The following IGF1R variants were observed in gnomAD, a reference collection of about 807,000 sequenced individuals.
IGF1R encodes the protein insulin like growth factor 1 receptor.
Under a neutral mutation model 144.6 loss-of-function variants are expected in IGF1R, and 44 were observed. The observed-to-expected ratio is 0.30, with a 90% CI of 0.24 to 0.39. The LOEUF (loss-of-function observed/expected upper bound fraction) is 0.39. Ranked by LOEUF, IGF1R falls within the 10% of genes least tolerant of loss-of-function variation. The pLI is 1.00. For synonymous variants in IGF1R, 795 were observed against 722.8 expected (o/e 1.10, Z -1.60); for missense variants, 1,355 against 1,833.7 (o/e 0.74, Z 4.77).
At chr15:98,941,724 T>C (rs2684794) in intron 18 of IGF1R, among the ~76,000 whole-genome samples, 14,384 of 152,276 alleles carry the variant, frequency 0.094, 972 homozygotes, top group Non-Finnish European at 0.14. Context: ...GCTCTTAGCA[T>C]AGCACAAGTA....
At chr15:98,832,876 G>A (rs1224664675) in intron 2 of IGF1R, among the ~76,000 whole-genome samples, 1 of 152,138 alleles carries the variant, frequency 6.6e-6, no homozygotes, top group Non-Finnish European at 1.5e-5. Flanking sequence ...TTTTTTTATT[G>A]TAAATAGTAC....
At chr15:98,900,795 A>T (rs2014442778) in intron 5 of IGF1R, 1 of 152,022 alleles carries the variant, frequency 6.6e-6, no homozygotes, top group Non-Finnish European at 1.5e-5. Flanking sequence ...ATTAAATTTT[A>T]AAATGAATTT....
Position 98,957,307 on chromosome 15 carries a change from C to G in IGF1R, c.3969C>G (p.His1323Gln), listed in dbSNP as rs2151738465. The stretch of plus-strand genomic sequence containing the variant: ...CACTGCCCGACAGACACTCAGGACA[C>G]AAGGCCGAGAACGGCCCCGGCCCTG... ...SLPLPDRHSG[H>Q]KAENGPGPGV... The change falls in exon 21 of 21, where the codon CAC (histidine) becomes CAG (glutamine). Residue 1323 changes from histidine to glutamine, a missense_variant. His to Gln is a conservative substitution (Grantham distance 24). Transcript: ENST00000650285. 4.3e-6 allele frequency: 7 copies of G among 1,613,242 alleles called. No individual in the cohort carries two copies. The highest frequency in any genetic ancestry group is 5.9e-6 in the Non-Finnish European group (7 of 1,179,398).
intron 2 of IGF1R, among the ~76,000 whole-genome samples, chr15:98,835,911 A>C (rs936480251): frequency 3.9e-5 from 6 of 152,310 alleles, no homozygotes; most frequent in African/African-American, 1.2e-4. Context: ...TTTGCTGTGG[A>C]AGGTGTTGGG....
intron 1 of IGF1R, among the ~76,000 whole-genome samples, chr15:98,691,739 G>A (rs2053481949): frequency 6.6e-6 from 1 of 152,174 alleles, no homozygotes. Flanking sequence ...CCTCCCTTCA[G>A]TGATTTGTCA....
chr15:98,924,500 T>G (rs1371975295), intron 12 of IGF1R, 25 bp from the exon 13 acceptor site: 2 of 1,613,204 alleles, frequency 1.2e-6, no homozygotes, highest in African/African-American at 2.7e-5. Context: ...CATGGGAAAT[T>G]GACATGTATG....
intron 2 of IGF1R, among the ~76,000 whole-genome samples, chr15:98,756,758 T>C (rs1013668254): frequency 1.3e-5 from 2 of 152,210 alleles, no homozygotes; most frequent in South Asian, 2.1e-4. Flanking sequence ...TACATTTTCT[T>C]TGAAAATTGC....
intron 1 of IGF1R, among the ~76,000 whole-genome samples, chr15:98,686,655 T>C (rs1187871686): frequency 1.3e-5 from 2 of 151,570 alleles, no homozygotes; most frequent in Non-Finnish European, 2.9e-5. Flanking sequence ...TTAGCAAATA[T>C]CAATGAAGTA....
intron 2 of IGF1R, among the ~76,000 whole-genome samples, chr15:98,801,714 T>C (rs770459058): frequency 9.2e-5 from 14 of 152,220 alleles, no homozygotes; most frequent in Non-Finnish European, 2.1e-4. Context: ...TAATTCTGTT[T>C]TCAGGTTGCT....
chr15:98,884,700 A>AAG (rs1555456738), intron 2 of IGF1R, among the ~76,000 whole-genome samples: 6 of 151,484 alleles, frequency 4.0e-5, no homozygotes, highest in East Asian at 1.9e-4. Flanking sequence ...AAAAAAAAAA[A>AAG]AAAAGAAATT....
intron 2 of IGF1R, among the ~76,000 whole-genome samples, chr15:98,820,433 T>G (rs2056780483): frequency 6.6e-6 from 1 of 152,222 alleles, no homozygotes; most frequent in South Asian, 2.1e-4. Flanking sequence ...AAGAATATAA[T>G]GAACATAATC....
At chr15:98,880,072 A>G (rs2013291504) in intron 2 of IGF1R, among the ~76,000 whole-genome samples, 1 of 152,212 alleles carries the variant, frequency 6.6e-6, no homozygotes, top group South Asian at 2.1e-4. Context: ...CTCTCTAAAT[A>G]TACTAAAAGC....
chr15:98,779,190 G>T (rs2063672), intron 2 of IGF1R, among the ~76,000 whole-genome samples: 5,643 of 152,282 alleles, frequency 0.037, 153 homozygotes, highest in East Asian at 0.14. Context: ...CTGTGCCACA[G>T]AGTTCTGGAA....
chr15:98,899,992 A>T (rs1312720521), intron 5 of IGF1R, among the ~76,000 whole-genome samples: 1 of 152,158 alleles, frequency 6.6e-6, no homozygotes, highest in African/African-American at 2.4e-5. Context: ...CGCGACCCTC[A>T]TCTGCCTCAG....
intron 2 of IGF1R, among the ~76,000 whole-genome samples, chr15:98,803,713 C>T (rs993622541): frequency 3.9e-5 from 6 of 152,128 alleles, no homozygotes; most frequent in African/African-American, 1.4e-4. Context: ...ACCATGTTGC[C>T]CAGGCTGATC....
chr15:98,719,815 A>G (rs45495094), intron 2 of IGF1R, among the ~76,000 whole-genome samples: 5,253 of 152,238 alleles, frequency 0.035, 109 homozygotes, highest in East Asian at 0.056. Flanking sequence ...GTCCCACTGG[A>G]AAGCTTCTGT....
chr15:98,660,982 G>A (rs1419711806), intron 1 of IGF1R, among the ~76,000 whole-genome samples: 1 of 152,154 alleles, frequency 6.6e-6, no homozygotes, highest in Non-Finnish European at 1.5e-5. Context: ...AAAGTTGGGT[G>A]GGTAGGGTAC....
intron 2 of IGF1R, among the ~76,000 whole-genome samples, chr15:98,737,824 CCT>C (rs150373687): frequency 1.7e-4 from 25 of 150,260 alleles, no homozygotes; most frequent in Admixed American, 2.7e-4. Context: ...GTCTTCTGTG[CCT>C]CTCTCTCTCT....
At chr15:98,711,456 A>G (rs1356823601) in intron 2 of IGF1R, among the ~76,000 whole-genome samples, 1 of 149,530 alleles carries the variant, frequency 6.7e-6, no homozygotes, top group East Asian at 2.0e-4. Context: ...AGTAGACTCT[A>G]CTCCCTCTAT....
Sources: allele counts gnomAD v4.1 joint callset (sites outside exome capture counted in the v4.1 genomes callset), GRCh38; gene constraint gnomAD v4.1.1; transcripts MANE v1.5; gene names NCBI Gene and HGNC (gene_info 2026-07-23, HGNC 2026-07-21).